GRAMD1B: variants seen among roughly 807,000 people sequenced by gnomAD.
GRAMD1B encodes GRAM domain containing 1B, also known as protein Aster-B.
A neutral mutation model predicts 99.7 loss-of-function variants in GRAMD1B; 37 were observed. The observed-to-expected ratio is 0.37, with a 90% confidence interval of 0.29 to 0.49. GRAMD1B has a LOEUF of 0.49. Ranked by LOEUF, GRAMD1B falls within the 20% of genes least tolerant of loss-of-function variation. GRAMD1B has a pLI of 0.98. For missense variants in GRAMD1B, 888 were observed against 1,009.2 expected, an observed-to-expected ratio of 0.88 and a Z score of 1.63; for synonymous variants, 427 against 387.6, an observed-to-expected ratio of 1.10 and a Z score of -1.19.
Position 123,547,895 on chromosome 11 carries a change from C to T in GRAMD1B, c.453-29472C>T, listed in dbSNP as rs73614101. Reference sequence around the variant, plus strand: ...TTACAGTCATGTTGTAATTTTGGTCCATGCTGAGCTTTATGGCCTTCACCT... The same window carrying T: ...TTACAGTCATGTTGTAATTTTGGTCTATGCTGAGCTTTATGGCCTTCACCT... On this transcript the variant is annotated intron_variant, in intron 2 of 19. Coordinates refer to ENST00000635736, the MANE Select transcript of GRAMD1B (RefSeq NM_001387025.1). Among the ~76,000 whole-genome samples the T allele has an allele frequency of 1.7e-3, 262 of 152,252 alleles. 1 individual carries two copies. Among genetic ancestry groups the T allele is most frequent in the African/African-American group, 6.1e-3 (254 of 41,526 alleles).
At chr11:123,426,951 C>T (rs1948674897), upstream of GRAMD1B, among the ~76,000 whole-genome samples, 1 of 152,162 alleles carries the variant, frequency 6.6e-6, no homozygotes. Flanking sequence ...GAATAAACAA[C>T]AGTTGCTTGG....
At chr11:123,415,503 G>C (rs529608707) in intron 1 of GRAMD1B, among the ~76,000 whole-genome samples, 1 of 152,062 alleles carries the variant, frequency 6.6e-6, no homozygotes, top group Non-Finnish European at 1.5e-5. Flanking sequence ...AGCAGAGCCA[G>C]GGGGTGCTTG....
rs1953100169 is a variant in GRAMD1B at position 123,608,772 on chromosome 11, C to T, written c.1627C>T (p.Arg543Trp). ...DLLFTNSPFQ[R>W]DFMEQRRFSD... ...CCTCTTCACCAACTCGCCCTTCCAG[C>T]GGGATTTCATGGAGCAGCGGCGCTT... The change falls in exon 12 of 20, where the codon CGG becomes TGG. Residue 543 changes from arginine (R) to tryptophan (W), a missense_variant. This residue lies in a region of GRAMD1B where 269 missense variants were observed against 296.6 expected (regional missense o/e 0.91). Coordinates refer to ENST00000635736, the MANE Select transcript of GRAMD1B (RefSeq NM_001387025.1). 2.6e-6 allele frequency: 4 copies of T among 1,551,498 alleles called. No homozygotes were observed. The highest frequency in any genetic ancestry group is 3.5e-6 in the Non-Finnish European group (4 of 1,146,934).
At chr11:123,463,630 C>T (rs1404981273) in intron 1 of GRAMD1B, among the ~76,000 whole-genome samples, 3 of 152,068 alleles carry the variant, frequency 2.0e-5, no homozygotes, top group African/African-American at 7.3e-5. Context: ...TCCTATGGCT[C>T]AAAGGAGACA....
chr11:123,531,471 G>A (rs1036892108), intron 2 of GRAMD1B, among the ~76,000 whole-genome samples: 1 of 152,198 alleles, frequency 6.6e-6, no homozygotes, highest in Non-Finnish European at 1.5e-5. Flanking sequence ...TAACTTTGTA[G>A]CTGGCAGAGA....
chr11:123,595,156 G>A (rs531842033), intron 6 of GRAMD1B, among the ~76,000 whole-genome samples: 5 of 152,232 alleles, frequency 3.3e-5, no homozygotes, highest in African/African-American at 9.6e-5. Flanking sequence ...TTGGCCTTGG[G>A]ACTTTAAAGA....
At chr11:123,395,939 A>C (rs17127332) in intron 1 of GRAMD1B, among the ~76,000 whole-genome samples, 5,385 of 152,282 alleles carry the variant, frequency 0.035, 308 homozygotes, top group African/African-American at 0.12. Context: ...GAGGTATCAG[A>C]GATAAAAGGC....
chr11:123,554,959 C>A (rs920886473), intron 2 of GRAMD1B, among the ~76,000 whole-genome samples: 2 of 152,174 alleles, frequency 1.3e-5, no homozygotes, highest in African/African-American at 4.8e-5. Context: ...TCTAGAGGTT[C>A]TGGGGACTGG....
intron 1 of GRAMD1B, among the ~76,000 whole-genome samples, chr11:123,372,967 C>A (rs1336282213): frequency 6.6e-6 from 1 of 151,938 alleles, no homozygotes; most frequent in Non-Finnish European, 1.5e-5. Flanking sequence ...TGGCGAAAAC[C>A]ATCTCTACCA....
intron 2 of GRAMD1B, among the ~76,000 whole-genome samples, chr11:123,524,458 A>C (rs1331759453): frequency 6.6e-6 from 1 of 151,950 alleles, no homozygotes; most frequent in Non-Finnish European, 1.5e-5. Context: ...GTCCTGCCTC[A>C]GCCCCCCGAG....
At chr11:123,420,593 A>G (rs61904754) in intron 1 of GRAMD1B, among the ~76,000 whole-genome samples, 26,266 of 152,158 alleles carry the variant, frequency 0.17, 2,751 homozygotes, top group African/African-American at 0.3. Flanking sequence ...GACTGAATTG[A>G]ATAAGGAAAC....
intron 19 of GRAMD1B, among the ~76,000 whole-genome samples, chr11:123,622,263 T>G (rs1032599026): frequency 5.9e-5 from 9 of 152,164 alleles, no homozygotes; most frequent in Non-Finnish European, 1.3e-4. Context: ...CCTCAAGTGA[T>G]CCTCCCACCT....
intron 1 of GRAMD1B, among the ~76,000 whole-genome samples, chr11:123,472,798 G>A (rs1485107046): frequency 6.6e-6 from 1 of 152,206 alleles, no homozygotes; most frequent in South Asian, 2.1e-4. Context: ...CTGGCACCAT[G>A]TTGTCTGCTC....
chr11:123,538,445 A>G (rs1357331719), intron 2 of GRAMD1B, among the ~76,000 whole-genome samples: 1 of 152,100 alleles, frequency 6.6e-6, no homozygotes, highest in Admixed American at 6.5e-5. Context: ...TAAGATGTAC[A>G]ATTCAAAGGC....
In GRAMD1B at chr11:123,385,906, T is replaced by C. The variant is rs111832563; in HGVS notation, c.-176+27107T>C. ...ATGCTTCTTCCTGCATATGCTTCTA[T>C]TGTTCCCTTCCCAGGCCTCATAATT... On this transcript the variant is annotated intron_variant, in intron 1 of 20. Coordinates refer to the GRAMD1B transcript ENST00000638157. 1.4e-3 allele frequency among the ~76,000 whole-genome samples: 213 copies of C among 152,308 alleles called. 1 individual carries two copies. The highest frequency in any genetic ancestry group is 4.8e-3 in the African/African-American group (198 of 41,546).
At chr11:123,506,768 G>GTTTTCTCTTTCATTCTC (rs1345674161) in intron 2 of GRAMD1B, among the ~76,000 whole-genome samples, 3 of 151,642 alleles carry the variant, frequency 2.0e-5, no homozygotes, top group Non-Finnish European at 4.4e-5. Context: ...CTCCCACCCT[G>GTTTTCTCTTTCATTCTC]TTTTCTCTTT....
chr11:123,548,317 T>C (rs377042740), intron 2 of GRAMD1B, among the ~76,000 whole-genome samples: 13,729 of 96,104 alleles, frequency 0.14, 1,092 homozygotes, highest in Admixed American at 0.24. Context: ...TATATATATA[T>C]ATATATATAC....
intron 1 of GRAMD1B, among the ~76,000 whole-genome samples, chr11:123,464,197 G>A (rs961020654): frequency 2.0e-5 from 3 of 151,840 alleles, no homozygotes; most frequent in Non-Finnish European, 4.4e-5. Flanking sequence ...CCAGCTACTC[G>A]GCAGGCTGGG....
At chr11:123,612,688 C>T (rs552773747) in intron 14 of GRAMD1B, 73 bp from the exon 15 acceptor site, 8 of 838,082 alleles carry the variant, frequency 9.5e-6, no homozygotes, top group Admixed American at 4.0e-5. Context: ...GCCTTAACTC[C>T]GAATTTCCCT....
Sources: allele counts gnomAD v4.1 joint callset (sites outside exome capture counted in the v4.1 genomes callset), GRCh38; gene constraint gnomAD v4.1.1; regional missense constraint gnomAD v4.1.1; transcripts MANE v1.5; gene names NCBI Gene and HGNC (gene_info 2026-07-23, HGNC 2026-07-21).